The following GPR107 variants were observed in gnomAD, a reference collection of about 807,000 sequenced individuals.
GPR107 encodes the protein protein GPR107.
Under a neutral mutation model 75.5 loss-of-function variants are expected in GPR107, and 31 were observed. That is an observed-to-expected ratio of 0.41 (90% CI 0.31 to 0.55). The LOEUF (loss-of-function observed/expected upper bound fraction) is 0.55, where lower values mean the gene tolerates loss of function less well. Among genes scored for constraint, GPR107 ranks in the 20% least tolerant of loss-of-function variants. GPR107 has a pLI of 0.26. For missense variants in GPR107, 572 were observed against 665.7 expected, an observed-to-expected ratio of 0.86 and a Z score of 1.55; for synonymous variants, 267 against 251.3, an observed-to-expected ratio of 1.06 and a Z score of -0.59.
intron 9 of GPR107, among the ~76,000 whole-genome samples, chr9:130,095,928 AAG>A (rs1234342655): frequency 6.6e-6 from 1 of 152,176 alleles, no homozygotes; most frequent in African/African-American, 2.4e-5. Flanking sequence ...GGAAACGACT[AAG>A]AGATCTTTGC....
chr9:130,128,275 C>A (rs541892263), intron 16 of GPR107, among the ~76,000 whole-genome samples: 8 of 152,076 alleles, frequency 5.3e-5, no homozygotes, highest in Non-Finnish European at 1.2e-4. Context: ...AGTATCTTTG[C>A]GACAAACTAG....
intron 3 of GPR107, 129 bp downstream of exon 3, chr9:130,076,591 T>C: frequency 4.4e-6 from 3 of 682,262 alleles, no homozygotes; most frequent in Non-Finnish European, 8.0e-6. Flanking sequence ...CATAGCTCAC[T>C]GCAACCTTGA....
chr9:130,111,949 G>A (rs1564679208), intron 14 of GPR107, among the ~76,000 whole-genome samples: 1 of 152,234 alleles, frequency 6.6e-6, no homozygotes, highest in South Asian at 2.1e-4. Flanking sequence ...GCTTAATTGA[G>A]TCTCGCACAG....
At chr9:130,055,299 C>G (rs1358570108) in intron 1 of GPR107, among the ~76,000 whole-genome samples, 1 of 71,362 alleles carries the variant, frequency 1.4e-5, no homozygotes, top group Admixed American at 1.8e-4. Context: ...AACCCTATCT[C>G]TACTAAAAAT....
chr9:130,132,289 T>A (rs548693422), intron 17 of GPR107, among the ~76,000 whole-genome samples: 2 of 152,256 alleles, frequency 1.3e-5, no homozygotes, highest in African/African-American at 4.8e-5. Flanking sequence ...ACTCTGATTC[T>A]CACCCCTTGG....
In GPR107 at chr9:130,138,326, G is replaced by T. The variant is rs1740140646; in HGVS notation, c.*3205G>T. 6.6e-6 allele frequency: 1 copy of T among 152,246 alleles called. No homozygotes were observed. Among genetic ancestry groups the T allele is most frequent in the African/African-American group, 2.4e-5 (1 of 41,420 alleles). 9.4% of individuals were successfully genotyped at this position (152,246 alleles called of 1,614,324 possible). ...GCCTGCCCAGGCAGCACACAGCCCT[G>T]TAAGTCCACCTCGTGTGGGTGAGAT... On this transcript the variant is annotated 3_prime_UTR_variant, in exon 18 of 18. Coordinates refer to ENST00000347136, the MANE Select transcript of GPR107 (RefSeq NM_020960.5).
intron 1 of GPR107, among the ~76,000 whole-genome samples, chr9:130,056,609 A>C (rs1829796713): frequency 6.6e-6 from 1 of 151,942 alleles, no homozygotes; most frequent in African/African-American, 2.4e-5. Context: ...AATTGCAAAA[A>C]AATCTCATAA....
intron 5 of GPR107, among the ~76,000 whole-genome samples, chr9:130,080,561 G>T (rs959264288): frequency 1.3e-5 from 2 of 151,560 alleles, no homozygotes; most frequent in Admixed American, 6.6e-5. Flanking sequence ...GCGCAATCTC[G>T]GCTCACTGCA....
At chr9:130,095,612 C>T (rs1043630762) in intron 9 of GPR107, among the ~76,000 whole-genome samples, 43 of 152,052 alleles carry the variant, frequency 2.8e-4, no homozygotes, top group African/African-American at 9.2e-4. Context: ...CTGGGATGGT[C>T]TTGATCTCTT....
chr9:130,063,939 G>A (rs1829996412), intron 1 of GPR107, among the ~76,000 whole-genome samples: 1 of 151,352 alleles, frequency 6.6e-6, no homozygotes, highest in Non-Finnish European at 1.5e-5. Context: ...CAAGTAGCTG[G>A]GACTACAGGC....
At chr9:130,070,375 C>T (rs564487314) in intron 1 of GPR107, among the ~76,000 whole-genome samples, 2 of 152,210 alleles carry the variant, frequency 1.3e-5, no homozygotes, top group South Asian at 2.1e-4. Context: ...GTGATCTCGG[C>T]TCACTATAAG....
At chr9:130,093,197 C>G (rs1173269126) in intron 9 of GPR107, among the ~76,000 whole-genome samples, 3 of 126,876 alleles carry the variant, frequency 2.4e-5, no homozygotes, top group African/African-American at 8.7e-5. Flanking sequence ...GCCCATCTGC[C>G]TGGCTTTTAG....
chr9:130,086,479 A>ATG lies in GPR107; in HGVS notation c.621+5_621+6dup. 1 of 1,496,438 alleles carries ATG rather than the reference A, an allele frequency of 6.7e-7. No homozygotes were observed. The highest frequency in any genetic ancestry group is 9.3e-7 in the Non-Finnish European group (1 of 1,073,292). 92.7% of individuals were successfully genotyped at this position (1,496,438 alleles called of 1,614,324 possible). A position where few individuals can be genotyped will look rare whatever the true frequency, so the allele number is the denominator to read the frequency against. On this transcript the variant is annotated splice_donor_region_variant and intron_variant, in intron 7 of 17. Coordinates refer to ENST00000347136, the MANE Select transcript of GPR107 (RefSeq NM_020960.5). ...ATGGTGGGGCAGTGTCATTTCAGGT[A>ATG]TGTATGCTCTTTGTGTAAAGCCTCC...
In GPR107 at chr9:130,107,504, G is replaced by A; in HGVS notation, c.1271G>A (p.Arg424Lys). ...AILFPVVWSI[R>K]HLQEASATDG... Reference sequence around the variant, plus strand: ...TAAATGTTTATTTTTAGGTCAATCAGACATTTACAAGAAGCATCAGCAACA... The same window carrying A: ...TAAATGTTTATTTTTAGGTCAATCAAACATTTACAAGAAGCATCAGCAACA... Residue 424 changes from arginine to lysine, a missense_variant, in exon 14 of 18, where the codon AGA (arginine) becomes AAA (lysine). Arg to Lys is a conservative substitution (Grantham distance 26). Coordinates refer to ENST00000347136, the MANE Select transcript of GPR107 (RefSeq NM_020960.5). The A allele has an allele frequency of 6.3e-7, 1 of 1,587,458 alleles. No homozygotes were observed. Among genetic ancestry groups the A allele is most frequent in the South Asian group, 1.1e-5 (1 of 90,588 alleles).
At chr9:130,114,650 G>T (rs1279852994) in intron 14 of GPR107, 1 of 914,652 alleles carries the variant, frequency 1.1e-6, no homozygotes, top group Non-Finnish European at 1.5e-6. Flanking sequence ...TCTCCCAAAG[G>T]GCTGGGATTA....
chr9:130,135,657 A>G lies in GPR107; in HGVS notation c.*536A>G, dbSNP rs1250825165. The G allele has an allele frequency of 6.5e-6, 1 of 153,322 alleles. No homozygotes were observed. The highest frequency in any genetic ancestry group is 1.5e-5 in the Non-Finnish European group (1 of 68,856). 9.5% of individuals were successfully genotyped at this position (153,322 alleles called of 1,614,324 possible). On this transcript the variant is annotated 3_prime_UTR_variant, in exon 18 of 18. Coordinates refer to ENST00000347136, the MANE Select transcript of GPR107 (RefSeq NM_020960.5). ...GGAAAGCAAAGTCAAAACCCAGTTT[A>G]GGATGTAGCACCTGCCCCAGGATTC... is the stretch of plus-strand genomic sequence containing the variant.
At chr9:130,132,329 A>G (rs138055504) in intron 17 of GPR107, among the ~76,000 whole-genome samples, 21 of 152,240 alleles carry the variant, frequency 1.4e-4, no homozygotes, top group Non-Finnish European at 2.9e-4. Flanking sequence ...CTCACTCCCC[A>G]GGGCAGCCTG....
intron 2 of GPR107, among the ~76,000 whole-genome samples, 171 bp downstream of exon 2, chr9:130,075,920 T>C (rs1416228729): frequency 6.6e-6 from 1 of 152,072 alleles, no homozygotes; most frequent in Non-Finnish European, 1.5e-5. Context: ...TAGCTGGGAT[T>C]ACAGGCACCC....
In GPR107 at chr9:130,083,553, T is replaced by C; in HGVS notation, c.527-12T>C. The C allele has an allele frequency of 6.6e-7, 1 of 1,508,852 alleles. No homozygotes were observed. The highest frequency in any genetic ancestry group is 1.7e-4 in the Middle Eastern group (1 of 5,752). 93.5% of individuals were successfully genotyped at this position (1,508,852 alleles called of 1,614,324 possible). A position where few individuals can be genotyped will look rare whatever the true frequency, so the allele number is the denominator to read the frequency against. ...TCATGCAGCACTCTCTTTTAAATGT[T>C]CTTGCTTCTAGATGGTGGAAAGTCT... On this transcript the variant is annotated splice_polypyrimidine_tract_variant and intron_variant, in intron 5 of 17. Coordinates refer to ENST00000347136, the MANE Select transcript of GPR107 (RefSeq NM_020960.5).
Sources: gnomAD v4.1 joint callset for allele counts (sites outside exome capture counted in the v4.1 genomes callset) on GRCh38, gnomAD v4.1.1 for gene constraint, MANE v1.5 for transcripts, NCBI Gene and HGNC (gene_info 2026-07-23, HGNC 2026-07-21) for gene names.